The following C3orf20 variants were observed in gnomAD, a reference collection of about 807,000 sequenced individuals.
The protein encoded by C3orf20 is family with sequence similarity 149 member C, also known as uncharacterized protein C3orf20.
A neutral mutation model predicts 88.3 loss-of-function variants in C3orf20; 76 were observed. The ratio of observed to expected loss-of-function variants is 0.86; its 90% confidence interval spans 0.72 to 1.04. The LOEUF is 1.04. C3orf20 is among the 50% of genes least tolerant of loss of function. The pLI, the probability that C3orf20 is intolerant of heterozygous loss-of-function variation, is 0.00. For synonymous variants in C3orf20, 436 were observed against 437.4 expected (o/e 1.00, Z 0.04); for missense variants, 1,056 against 1,123.3 (o/e 0.94, Z 0.86).
intron 3 of C3orf20, among the ~76,000 whole-genome samples, chr3:14,683,933 G>A (rs2032252865): frequency 6.6e-6 from 1 of 151,412 alleles, no homozygotes; most frequent in African/African-American, 2.4e-5. Context: ...GTCATCCCAG[G>A]ATCAAGGCCA....
intron 9 of C3orf20, among the ~76,000 whole-genome samples, chr3:14,718,141 C>T (rs1055123836): frequency 3.3e-5 from 5 of 152,050 alleles, no homozygotes; most frequent in African/African-American, 9.7e-5. Flanking sequence ...CAATCTTTCC[C>T]CTTTTCTTCT....
intron 7 of C3orf20, among the ~76,000 whole-genome samples, chr3:14,707,248 CAAAA>C (rs10662478): frequency 6.4e-5 from 6 of 93,770 alleles, no homozygotes; most frequent in African/African-American, 1.8e-4. Context: ...GACTCCGTCT[CAAAA>C]AAAAAAAAAA....
At chr3:14,738,630 CT>C (rs34407504) in intron 12 of C3orf20, among the ~76,000 whole-genome samples, 8,912 of 73,322 alleles carry the variant, frequency 0.12, 237 homozygotes, top group East Asian at 0.17. Context: ...CATGCCCGGC[CT>C]TTTTTTTTTT....
chr3:14,686,193 C>CGTGTGTGTGTGTGTGTGT (rs58844982), intron 4 of C3orf20, among the ~76,000 whole-genome samples: 225 of 149,592 alleles, frequency 1.5e-3, no homozygotes, highest in African/African-American at 4.4e-3. Flanking sequence ...GAATCATATT[C>CGTGTGTGTGTGTGTGTGT]GTGTGTGTGT....
At chr3:14,708,700 G>A (rs1188346037) in intron 7 of C3orf20, among the ~76,000 whole-genome samples, 8 of 152,102 alleles carry the variant, frequency 5.3e-5, no homozygotes, top group Admixed American at 4.6e-4. Flanking sequence ...CCAGAGTGCA[G>A]TGGTGCCATC....
chr3:14,723,459 T>C (rs2034235609), intron 10 of C3orf20, among the ~76,000 whole-genome samples: 1 of 152,240 alleles, frequency 6.6e-6, no homozygotes, highest in African/African-American at 2.4e-5. Context: ...CTGCTGGAGA[T>C]GTAGAAATAA....
chr3:14,700,731 C>T (rs891656170), intron 5 of C3orf20, among the ~76,000 whole-genome samples: 6 of 152,210 alleles, frequency 3.9e-5, no homozygotes, highest in Admixed American at 2.0e-4. Flanking sequence ...CCTCATAGCT[C>T]GTAAGTAACT....
chr3:14,727,617 A>G (rs550029711), intron 11 of C3orf20, among the ~76,000 whole-genome samples: 13 of 152,040 alleles, frequency 8.6e-5, no homozygotes, highest in Non-Finnish European at 1.6e-4. Flanking sequence ...CTGGGCATGG[A>G]GGGGCTGTGC....
intron 15 of C3orf20, among the ~76,000 whole-genome samples, chr3:14,770,946 T>C (rs560189756): frequency 5.3e-5 from 8 of 152,256 alleles, no homozygotes. Flanking sequence ...CTGTGAGGTG[T>C]GGCACAGAGG....
chr3:14,704,257 A>G, intron 6 of C3orf20, 80 bp from the exon 7 acceptor site: 1 of 1,448,914 alleles, frequency 6.9e-7, no homozygotes. Flanking sequence ...GGTCTTGGGC[A>G]CTAAGGAGGG....
At chr3:14,681,227 G>A (rs2032071509) in intron 1 of C3orf20, among the ~76,000 whole-genome samples, 1 of 152,214 alleles carries the variant, frequency 6.6e-6, no homozygotes, top group African/African-American at 2.4e-5. Context: ...GGGCACACGA[G>A]CTCGTGGCTG....
At chr3:14,771,670 G>A (rs925691408) in intron 15 of C3orf20, among the ~76,000 whole-genome samples, 3 of 152,210 alleles carry the variant, frequency 2.0e-5, no homozygotes, top group African/African-American at 4.8e-5. Flanking sequence ...GCCACGTTCC[G>A]GGGTCTTGGG....
At chr3:14,730,090 T>G (rs2034488215) in intron 12 of C3orf20, among the ~76,000 whole-genome samples, 1 of 152,198 alleles carries the variant, frequency 6.6e-6, no homozygotes. Flanking sequence ...GGAAGATTGC[T>G]AACACCAGAG....
intron 7 of C3orf20, among the ~76,000 whole-genome samples, chr3:14,707,761 T>G (rs1005262219): frequency 1.3e-5 from 2 of 151,944 alleles, no homozygotes; most frequent in African/African-American, 4.8e-5. Flanking sequence ...GCATTTGGCT[T>G]TATGTCTAAA....
Position 14,726,217 on chromosome 3 carries a change from C to T in C3orf20, c.1567-684C>T, listed in dbSNP as rs960657831. On this transcript the variant is annotated intron_variant, in intron 10 of 16. Coordinates refer to ENST00000253697, the MANE Select transcript of C3orf20 (RefSeq NM_032137.5). ...GCCATGGCAGAGGCCTCAGCGATCC[C>T]GTGGGGAGCCCTGGAGTCAGAATGA... Among the ~76,000 whole-genome samples the T allele has an allele frequency of 2.6e-5, 4 of 152,240 alleles. 1 individual carries two copies. Among genetic ancestry groups the T allele is most frequent in the Admixed American group, 2.0e-4 (3 of 15,292 alleles).
intron 4 of C3orf20, among the ~76,000 whole-genome samples, chr3:14,686,689 C>T (rs1474511477): frequency 1.3e-5 from 2 of 152,142 alleles, no homozygotes; most frequent in Admixed American, 6.5e-5. Flanking sequence ...GGTTTTTGCT[C>T]TGCAGTGTTT....
At chr3:14,752,837 G>C (rs899105161) in intron 12 of C3orf20, among the ~76,000 whole-genome samples, 5 of 152,098 alleles carry the variant, frequency 3.3e-5, no homozygotes, top group Admixed American at 2.6e-4. Context: ...GTCAGGAAAC[G>C]ACAGATGCTG....
At chr3:14,706,931 T>C (rs1361217024) in intron 7 of C3orf20, among the ~76,000 whole-genome samples, 4 of 152,046 alleles carry the variant, frequency 2.6e-5, no homozygotes, top group Admixed American at 2.0e-4. Context: ...TTCATAGATA[T>C]TGCTGGTCAA....
intron 5 of C3orf20, among the ~76,000 whole-genome samples, chr3:14,693,855 A>C (rs551828069): frequency 1.3e-5 from 2 of 152,284 alleles, no homozygotes; most frequent in East Asian, 3.9e-4. Flanking sequence ...ACTATGTTAA[A>C]GCATATTCCT....
Sources: allele counts gnomAD v4.1 joint callset (sites outside exome capture counted in the v4.1 genomes callset), GRCh38; gene constraint gnomAD v4.1.1; transcripts MANE v1.5; gene names NCBI Gene and HGNC (gene_info 2026-07-23, HGNC 2026-07-21).